TAF4B: variants seen among roughly 807,000 people sequenced by gnomAD.
The protein encoded by TAF4B is TATA-box binding protein associated factor 4b.
In TAF4B, 38 loss-of-function variants were observed where a neutral mutation model predicts 86.4. The ratio of observed to expected loss-of-function variants is 0.44; its 90% CI spans 0.34 to 0.58. TAF4B has a LOEUF of 0.58. Ranked by LOEUF, TAF4B falls within the 20% of genes least tolerant of loss-of-function variation. TAF4B has a pLI of 0.02. For missense variants in TAF4B, 988 were observed against 1,027.6 expected, an observed-to-expected ratio of 0.96 and a Z score of 0.53; for synonymous variants, 388 against 391.2, an observed-to-expected ratio of 0.99 and a Z score of 0.10.
At chr18:26,234,747 C>T (rs751090770) in intron 1 of TAF4B, among the ~76,000 whole-genome samples, 1 of 152,194 alleles carries the variant, frequency 6.6e-6, no homozygotes, top group Admixed American at 6.5e-5. Context: ...GGTTCTCCAT[C>T]CTCTAGGAGA....
chr18:26,357,916 T>A (rs1421966258), intron 14 of TAF4B, 122 bp downstream of exon 14: 2 of 594,986 alleles, frequency 3.4e-6, no homozygotes, highest in Non-Finnish European at 5.4e-6. Flanking sequence ...TTCTTAAAAT[T>A]CATCTTTGCC....
chr18:26,348,767 C>T (rs983666128), intron 13 of TAF4B: 1 of 154,328 alleles, frequency 6.5e-6, no homozygotes, highest in African/African-American at 2.4e-5. Context: ...ATAATCCATA[C>T]TGAAGAGAAA....
rs2056074011 is a variant in TAF4B, at chr18:26,255,697, A to G, written c.344-9473A>G. On this transcript the variant is annotated intron_variant, in intron 1 of 14. Transcript: ENST00000269142. Reference sequence around the variant, plus strand: ...CCCCTTCTACATAAAAACCTCAGTCACCACTCCTGAGTGGAGATGGGCAGA... The same window carrying G: ...CCCCTTCTACATAAAAACCTCAGTCGCCACTCCTGAGTGGAGATGGGCAGA... 40 of 1,558,362 alleles carry G rather than the reference A, an allele frequency of 2.6e-5. 1 individual carries two copies. The South Asian group carries it at 4.5e-4, about 18-fold the overall frequency.
chr18:26,286,235 A>G lies in TAF4B; in HGVS notation c.1326A>G (p.Ala442=). The G allele has an allele frequency of 6.2e-7, 1 of 1,614,232 alleles. No individual in the cohort carries two copies. The highest frequency in any genetic ancestry group is 1.1e-5 in the South Asian group (1 of 91,084). ...QTSKPLVTSV[A]NTVTTVSLQP... is the part of the protein sequence containing the mutation. ...CAAAACCACTTGTGACATCTGTGGC[A>G]AACACAGTGACCACGGTCTCACTGC... Residue 442 remains alanine (A), a synonymous_variant, in exon 7 of 15, where the codon GCA becomes GCG. Coordinates refer to ENST00000269142, the MANE Select transcript of TAF4B (RefSeq NM_005640.3).
intron 14 of TAF4B, among the ~76,000 whole-genome samples, chr18:26,385,602 C>T (rs1172457088): frequency 1.3e-5 from 2 of 151,902 alleles, no homozygotes; most frequent in African/African-American, 4.8e-5. Flanking sequence ...AAGGAATATC[C>T]TCATGTAGAA....
Position 26,227,237 on chromosome 18 carries a change from A to G in TAF4B, c.304A>G (p.Thr102Ala). 2 of 1,613,328 alleles carry G rather than the reference A, an allele frequency of 1.2e-6. No individual in the cohort carries two copies. Among genetic ancestry groups the G allele is most frequent in the South Asian group, 1.1e-5 (1 of 90,966 alleles). ...QIVAVKAPNT[T>A]TIQFPANLQL... ...AGTCGCCGTGAAAGCCCCCAACACC[A>G]CGACAATCCAGTTTCCTGCTAATTT... The change falls in exon 1 of 15, where the codon ACG becomes GCG. Residue 102 changes from threonine to alanine, a missense_variant. Physicochemically the swap from Thr to Ala is moderately conservative, Grantham distance 58. Transcript: ENST00000269142.
At chr18:26,322,274 T>C (rs2056969037) in intron 11 of TAF4B, among the ~76,000 whole-genome samples, 1 of 151,312 alleles carries the variant, frequency 6.6e-6, no homozygotes, top group Non-Finnish European at 1.5e-5. Flanking sequence ...TATTATTTTA[T>C]TTTTTTTTCC....
intron 1 of TAF4B, among the ~76,000 whole-genome samples, 197 bp downstream of exon 1, chr18:26,227,473 A>G (rs115562653): frequency 5.7e-4 from 87 of 152,294 alleles, no homozygotes; most frequent in African/African-American, 2.0e-3. Flanking sequence ...CTTTTCACCT[A>G]AGTGATACAG....
intron 13 of TAF4B, among the ~76,000 whole-genome samples, chr18:26,344,225 A>G (rs950703112): frequency 3.3e-5 from 5 of 152,226 alleles, no homozygotes; most frequent in Non-Finnish European, 7.3e-5. Context: ...AACTCACATC[A>G]TAATCAATCT....
At chr18:26,321,437 C>G (rs1222767293) in intron 11 of TAF4B, among the ~76,000 whole-genome samples, 1 of 151,904 alleles carries the variant, frequency 6.6e-6, no homozygotes, top group Non-Finnish European at 1.5e-5. Context: ...TGTATCTGTT[C>G]TGCATGAGGC....
chr18:26,360,773 A>G (rs1021759526), intron 14 of TAF4B, among the ~76,000 whole-genome samples: 6 of 152,190 alleles, frequency 3.9e-5, no homozygotes, highest in African/African-American at 9.7e-5. Context: ...CTGTATATCA[A>G]AAATACAAAT....
intron 6 of TAF4B, among the ~76,000 whole-genome samples, chr18:26,283,223 T>TA (rs2056471286): frequency 6.6e-6 from 1 of 152,196 alleles, no homozygotes; most frequent in African/African-American, 2.4e-5. Flanking sequence ...ATCAGAGGAA[T>TA]CACTGTCTAT....
intron 5 of TAF4B, among the ~76,000 whole-genome samples, chr18:26,281,111 A>T (rs1476711686): frequency 6.6e-6 from 1 of 152,170 alleles, no homozygotes; most frequent in Non-Finnish European, 1.5e-5. Flanking sequence ...GGACGTAAAG[A>T]TGGGAACAAT....
intron 10 of TAF4B, among the ~76,000 whole-genome samples, chr18:26,318,408 A>G (rs1301292935): frequency 5.3e-5 from 8 of 151,654 alleles, no homozygotes; most frequent in African/African-American, 1.9e-4. Context: ...ACATATTTCT[A>G]GGAATGCTTT....
chr18:26,375,747 A>G (rs1301311726), intron 14 of TAF4B, among the ~76,000 whole-genome samples: 1 of 152,106 alleles, frequency 6.6e-6, no homozygotes, highest in Non-Finnish European at 1.5e-5. Context: ...TTCTTTGGTT[A>G]CTTGTATTTA....
intron 13 of TAF4B, among the ~76,000 whole-genome samples, chr18:26,352,055 GTAGA>G (rs2057250013): frequency 1.3e-5 from 2 of 151,964 alleles, no homozygotes; most frequent in South Asian, 2.1e-4. Context: ...ACAAAATGCA[GTAGA>G]TAAATTAAAA....
In TAF4B at chr18:26,372,644, T is replaced by C. The variant is rs1159152974; in HGVS notation, c.2421+14850T>C. On this transcript the variant is annotated intron_variant, in intron 14 of 14. Transcript: ENST00000269142. ...CCACATATTTTGCCTATCCGTTATGTTAATACCATGCTGATTGACCTGGTG... is the reference window on the plus strand; with the variant it reads ...CCACATATTTTGCCTATCCGTTATGCTAATACCATGCTGATTGACCTGGTG... Among the ~76,000 whole-genome samples the C allele has an allele frequency of 2.0e-5, 3 of 152,092 alleles. No individual in the cohort carries two copies. The South Asian group carries it at 6.2e-4, about 32-fold the overall frequency.
chr18:26,241,061 T>C (rs2055831127), intron 1 of TAF4B, among the ~76,000 whole-genome samples: 1 of 152,198 alleles, frequency 6.6e-6, no homozygotes. Context: ...TGGTTGTGTC[T>C]CTGCCAGGCT....
chr18:26,331,748 A>G (rs1168286375), intron 12 of TAF4B, among the ~76,000 whole-genome samples: 1 of 152,132 alleles, frequency 6.6e-6, no homozygotes, highest in Non-Finnish European at 1.5e-5. Context: ...TCATTACTCT[A>G]GTCTAATTCA....
Sources: gnomAD v4.1 joint callset for allele counts (sites outside exome capture counted in the v4.1 genomes callset) on GRCh38, gnomAD v4.1.1 for gene constraint, MANE v1.5 for transcripts, NCBI Gene and HGNC (gene_info 2026-07-23, HGNC 2026-07-21) for gene names.